The following LRRC4C variants were observed in gnomAD, a reference collection of about 807,000 sequenced individuals.
The protein encoded by LRRC4C is leucine-rich repeat-containing protein 4C.
A neutral mutation model predicts 33.6 loss-of-function variants in LRRC4C; 5 were observed. That is an observed-to-expected ratio of 0.15 (90% CI 0.08 to 0.31). The LOEUF (loss-of-function observed/expected upper bound fraction) is 0.31. Ranked by LOEUF, LRRC4C falls within the 10% of genes least tolerant of loss-of-function variation. The pLI is 1.00. For synonymous variants in LRRC4C, 329 were observed against 302.0 expected (o/e 1.09, Z -0.93); for missense variants, 560 against 796.7 (o/e 0.70, Z 3.58).
chr11:40,319,895 G>A (rs568481904), intron 3 of LRRC4C, among the ~76,000 whole-genome samples, 174 bp from the exon 4 acceptor site: 1 of 151,850 alleles, frequency 6.6e-6, no homozygotes, highest in South Asian at 2.1e-4. Flanking sequence ...CAAGACATGG[G>A]TAAACTATAG....
chr11:40,287,238 G>A (rs1419466139), intron 4 of LRRC4C, among the ~76,000 whole-genome samples: 1 of 146,682 alleles, frequency 6.8e-6, no homozygotes, highest in Non-Finnish European at 1.5e-5. Flanking sequence ...ACATAAGGAA[G>A]CAACTTAATG....
chr11:41,194,431 A>T (rs1341955477), intron 1 of LRRC4C, among the ~76,000 whole-genome samples: 1 of 152,080 alleles, frequency 6.6e-6, no homozygotes, highest in Non-Finnish European at 1.5e-5. Flanking sequence ...TATGGATGCA[A>T]CCTATGACTC....
In LRRC4C at chr11:41,107,758, C is replaced by T. The variant is rs150014461; in HGVS notation, c.-495-174035G>A. On this transcript the variant is annotated intron_variant, in intron 1 of 6. Coordinates refer to ENST00000528697, the MANE Select transcript of LRRC4C (RefSeq NM_001258419.2). ...TTTGAGACCAGCCTGGCCAACATGG[C>T]GAAGCCCCACATCTATTGAAAATAC... Among the ~76,000 whole-genome samples, 336 of 152,090 alleles carry T rather than the reference C, an allele frequency of 2.2e-3. 2 individuals are homozygous for T. The highest frequency in any genetic ancestry group is 7.7e-3 in the African/African-American group (320 of 41,518).
At chr11:40,654,491 A>G (rs993131389) in intron 2 of LRRC4C, among the ~76,000 whole-genome samples, 9 of 152,162 alleles carry the variant, frequency 5.9e-5, no homozygotes, top group African/African-American at 1.7e-4. Context: ...TTGGACTTGC[A>G]TGGGACCTAC....
At chr11:41,088,992 C>T (rs1333698034) in intron 1 of LRRC4C, among the ~76,000 whole-genome samples, 2 of 152,062 alleles carry the variant, frequency 1.3e-5, no homozygotes, top group African/African-American at 2.4e-5. Context: ...CTTACCAAAA[C>T]AGTCTAACCC....
intron 3 of LRRC4C, among the ~76,000 whole-genome samples, chr11:40,599,029 C>T (rs1959683424): frequency 6.6e-6 from 1 of 152,176 alleles, no homozygotes; most frequent in Non-Finnish European, 1.5e-5. Flanking sequence ...AATGACTGCA[C>T]TCATTCTTCT....
chr11:40,322,185 C>G (rs939283989), intron 3 of LRRC4C, among the ~76,000 whole-genome samples: 11 of 152,076 alleles, frequency 7.2e-5, no homozygotes, highest in African/African-American at 2.7e-4. Context: ...ATCTACCCAG[C>G]TTCTCAATGG....
intron 1 of LRRC4C, among the ~76,000 whole-genome samples, chr11:41,262,445 C>T (rs912975858): frequency 1.3e-5 from 2 of 150,684 alleles, no homozygotes; most frequent in African/African-American, 4.9e-5. Context: ...ATGTCAAATA[C>T]GTTCCAAACA....
At chr11:41,010,388 A>T (rs949384115) in intron 1 of LRRC4C, among the ~76,000 whole-genome samples, 7 of 152,162 alleles carry the variant, frequency 4.6e-5, no homozygotes, top group Non-Finnish European at 1.0e-4. Context: ...TGTTTAGATT[A>T]AAAAAATCAT....
intron 3 of LRRC4C, among the ~76,000 whole-genome samples, chr11:40,344,104 G>A (rs1947007924): frequency 2.0e-5 from 3 of 151,880 alleles, no homozygotes; most frequent in Non-Finnish European, 4.4e-5. Flanking sequence ...CTTCTGAAAC[G>A]ATTCTGAAGA....
At chr11:40,326,902 A>G (rs1946130591) in intron 3 of LRRC4C, among the ~76,000 whole-genome samples, 1 of 152,244 alleles carries the variant, frequency 6.6e-6, no homozygotes, top group South Asian at 2.1e-4. Flanking sequence ...AAAGTTCAGT[A>G]GTATTTCAGA....
intron 3 of LRRC4C, among the ~76,000 whole-genome samples, chr11:40,519,474 C>A (rs1022882951): frequency 6.6e-6 from 1 of 152,134 alleles, no homozygotes; most frequent in African/African-American, 2.4e-5. Flanking sequence ...ACTAACCAAC[C>A]TCTTCTAGCT....
intron 4 of LRRC4C, chr11:40,241,881 AGT>A (rs1364572186): frequency 1.3e-5 from 2 of 152,208 alleles, no homozygotes; most frequent in Non-Finnish European, 2.9e-5. Context: ...TTGCCTGAGA[AGT>A]GTTGCAACTG....
intron 5 of LRRC4C, among the ~76,000 whole-genome samples, chr11:40,162,076 G>A (rs76716064): frequency 0.013 from 1,908 of 151,960 alleles, 55 homozygotes; most frequent in African/African-American, 0.044. Flanking sequence ...GTACAAGCAG[G>A]CAGTGGGTTG....
At chr11:40,867,563 AAAG>A (rs1954430675) in intron 2 of LRRC4C, among the ~76,000 whole-genome samples, 1 of 152,222 alleles carries the variant, frequency 6.6e-6, no homozygotes, top group African/African-American at 2.4e-5. Flanking sequence ...TGGGGGGAAA[AAAG>A]AAGCAAGTTC....
chr11:41,372,467 T>A (rs1952786174), intron 1 of LRRC4C, among the ~76,000 whole-genome samples: 1 of 152,198 alleles, frequency 6.6e-6, no homozygotes. Flanking sequence ...GCATTTGGGA[T>A]CAGTTTTACT....
chr11:40,567,126 A>G (rs775011549), intron 3 of LRRC4C, among the ~76,000 whole-genome samples: 1 of 152,154 alleles, frequency 6.6e-6, no homozygotes, highest in African/African-American at 2.4e-5. Flanking sequence ...TACTAACTAA[A>G]TATAAGAGAT....
At chr11:41,153,171 C>T (rs529453275) in intron 1 of LRRC4C, among the ~76,000 whole-genome samples, 4 of 152,150 alleles carry the variant, frequency 2.6e-5, no homozygotes, top group Admixed American at 2.0e-4. Flanking sequence ...GTCTCTACTC[C>T]CTTAAAGAAT....
chr11:41,163,376 C>T (rs1040279812), intron 1 of LRRC4C, among the ~76,000 whole-genome samples: 8 of 141,180 alleles, frequency 5.7e-5, no homozygotes, highest in East Asian at 2.2e-4. Flanking sequence ...CACTTCCTCC[C>T]GGGTTCAAAT....
Sources: allele counts gnomAD v4.1 joint callset (sites outside exome capture counted in the v4.1 genomes callset), GRCh38; gene constraint gnomAD v4.1.1; transcripts MANE v1.5; gene names NCBI Gene and HGNC (gene_info 2026-07-23, HGNC 2026-07-21).